The following PTPRN2 variants were observed in gnomAD, a reference collection of about 807,000 sequenced individuals.
PTPRN2 encodes receptor-type tyrosine-protein phosphatase N2.
Under a neutral mutation model 118.8 loss-of-function variants are expected in PTPRN2, and 74 were observed. The ratio of observed to expected loss-of-function variants is 0.62; its 90% CI spans 0.52 to 0.76. PTPRN2 has a LOEUF of 0.76. Among genes scored for constraint, PTPRN2 ranks in the 30% least tolerant of loss-of-function variants. The pLI is 0.00. For synonymous variants in PTPRN2, 641 were observed against 608.0 expected (o/e 1.05, Z -0.80); for missense variants, 1,481 against 1,394.4 (o/e 1.06, Z -0.99).
intron 14 of PTPRN2, among the ~76,000 whole-genome samples, chr7:157,626,106 C>T (rs1803555119): frequency 6.6e-6 from 1 of 152,286 alleles, no homozygotes; most frequent in East Asian, 1.9e-4. Context: ...CCACAGCCCC[C>T]AGCAGCCAGT....
intron 12 of PTPRN2, among the ~76,000 whole-genome samples, chr7:157,896,748 G>T (rs1175226327): frequency 6.6e-6 from 1 of 152,194 alleles, no homozygotes; most frequent in Non-Finnish European, 1.5e-5. Flanking sequence ...GCAACCTGTG[G>T]CAAGGCACAT....
chr7:158,338,035 A>ACGCACGT (rs1169867380), intron 2 of PTPRN2, among the ~76,000 whole-genome samples: 1 of 42,446 alleles, frequency 2.4e-5, no homozygotes, highest in Non-Finnish European at 4.8e-5. Context: ...ACTCACACCC[A>ACGCACGT]CACTCTCACC....
In PTPRN2 at chr7:157,550,814, C is replaced by A. The variant is rs1230091868; in HGVS notation, c.2903-1795G>T. On this transcript the variant is annotated intron_variant, in intron 21 of 22. Transcript: ENST00000389418. This position sits in a 1 kb window ranked among gnomAD's most constrained non-coding sequence, Gnocchi z 5.2. ...GCTGGCAGCTCACGCGGGTGGAAGG[C>A]GGGGTCAGGTGCACGGGTTTGCTTA... Among the ~76,000 whole-genome samples, 1 of 152,190 alleles carries A rather than the reference C, an allele frequency of 6.6e-6. No homozygotes were observed. The highest frequency in any genetic ancestry group is 2.4e-5 in the African/African-American group (1 of 41,440).
chr7:158,342,009 C>G (rs1282168717), intron 2 of PTPRN2, among the ~76,000 whole-genome samples: 5 of 148,110 alleles, frequency 3.4e-5, no homozygotes, highest in African/African-American at 5.0e-5. Context: ...CACCTGCAGA[C>G]GTCACTCACA....
At chr7:157,919,466 A>C (rs1798584756) in intron 11 of PTPRN2, among the ~76,000 whole-genome samples, 1 of 152,348 alleles carries the variant, frequency 6.6e-6, no homozygotes, top group Non-Finnish European at 1.5e-5. Context: ...AGAGAAGGAC[A>C]GTAAACAAAG....
At chr7:157,995,201 T>C (rs1248499690) in intron 11 of PTPRN2, among the ~76,000 whole-genome samples, 1 of 149,728 alleles carries the variant, frequency 6.7e-6, no homozygotes, top group Non-Finnish European at 1.5e-5. Flanking sequence ...TGTTCTAAAA[T>C]CAACGCTGTG....
intron 2 of PTPRN2, among the ~76,000 whole-genome samples, chr7:158,362,391 C>CAGAG (rs10645533): frequency 0.57 from 54,402 of 94,738 alleles, 10,410 homozygotes; most frequent in Non-Finnish European, 0.6. Flanking sequence ...CTCATTTACT[C>CAGAG]ACAGAGAAGA....
At chr7:158,533,964 C>CT (rs1312185011) in intron 1 of PTPRN2, among the ~76,000 whole-genome samples, 1 of 152,238 alleles carries the variant, frequency 6.6e-6, no homozygotes, top group Non-Finnish European at 1.5e-5. Context: ...GATGCAGGGG[C>CT]TACCCTCCCT....
At chr7:158,306,855 GTTTTT>G (rs61276074) in intron 3 of PTPRN2, among the ~76,000 whole-genome samples, 1 of 121,420 alleles carries the variant, frequency 8.2e-6, no homozygotes, top group Non-Finnish European at 1.8e-5. Flanking sequence ...GCTGTTTTTT[GTTTTT>G]TTTTTTTTTT....
intron 9 of PTPRN2, among the ~76,000 whole-genome samples, chr7:158,115,418 G>A (rs1816653322): frequency 6.6e-6 from 1 of 152,098 alleles, no homozygotes; most frequent in African/African-American, 2.4e-5. Flanking sequence ...AGGGTTGAAG[G>A]GACAGCAGAG....
chr7:157,853,693 C>T (rs554443905), intron 12 of PTPRN2, among the ~76,000 whole-genome samples: 7 of 152,250 alleles, frequency 4.6e-5, no homozygotes, highest in African/African-American at 1.4e-4. Flanking sequence ...GCCACACGTG[C>T]GGAGATGCTC....
chr7:157,548,836 T>A, intron 22 of PTPRN2, 110 bp downstream of exon 22: 4 of 1,104,954 alleles, frequency 3.6e-6, no homozygotes, highest in Non-Finnish European at 5.5e-6. Context: ...AGCAGAGCAA[T>A]CGGTGTGCGG....
At chr7:158,421,395 C>T (rs1370660234) in intron 2 of PTPRN2, among the ~76,000 whole-genome samples, 2 of 152,134 alleles carry the variant, frequency 1.3e-5, no homozygotes, top group African/African-American at 2.4e-5. Context: ...GAACACTGAG[C>T]GGAGGGCAAC....
rs548776974 is a variant in PTPRN2 at position 158,221,945 on chromosome 7, C to T, written c.278-16672G>A. On this transcript the variant is annotated intron_variant, in intron 3 of 22. Transcript: ENST00000389418. Reference sequence around the variant, plus strand: ...TGAACAGACACTTCTTAAAAGAAGACATAGAAGCGGCCAAGAAACGTAGGA... The same window carrying T: ...TGAACAGACACTTCTTAAAAGAAGATATAGAAGCGGCCAAGAAACGTAGGA... Among the ~76,000 whole-genome samples the T allele has an allele frequency of 1.2e-3, 181 of 152,238 alleles. 1 individual carries two copies. The highest frequency in any genetic ancestry group is 4.3e-3 in the African/African-American group (180 of 41,540).
intron 11 of PTPRN2, among the ~76,000 whole-genome samples, chr7:158,045,195 G>A (rs1424409396): frequency 6.6e-6 from 1 of 152,176 alleles, no homozygotes; most frequent in African/African-American, 2.4e-5. Context: ...TGGTGGCTTT[G>A]GGACAGCAGT....
chr7:158,141,994 G>A (rs777875028), intron 6 of PTPRN2, among the ~76,000 whole-genome samples: 6 of 152,206 alleles, frequency 3.9e-5, no homozygotes, highest in South Asian at 2.1e-4. Flanking sequence ...CGCTCTGGCC[G>A]ACGTTGAGGC....
chr7:157,890,897 A>C (rs745560655), intron 12 of PTPRN2, among the ~76,000 whole-genome samples: 4 of 152,154 alleles, frequency 2.6e-5, no homozygotes, highest in Non-Finnish European at 5.9e-5. Flanking sequence ...TCCACCTGAA[A>C]CATTTAATGT....
intron 11 of PTPRN2, among the ~76,000 whole-genome samples, chr7:158,054,955 C>T (rs1456940234): frequency 6.6e-6 from 1 of 152,260 alleles, no homozygotes; most frequent in African/African-American, 2.4e-5. Flanking sequence ...CCTTCGTGCT[C>T]TGCCCAGCCG....
At chr7:158,561,806 TA>T (rs1215899161) in intron 1 of PTPRN2, among the ~76,000 whole-genome samples, 3 of 152,138 alleles carry the variant, frequency 2.0e-5, no homozygotes, top group Non-Finnish European at 2.9e-5. Flanking sequence ...AAACTCTCAC[TA>T]GGGGGGACCG....
Sources: allele counts gnomAD v4.1 joint callset (sites outside exome capture counted in the v4.1 genomes callset), GRCh38; gene constraint gnomAD v4.1.1; non-coding constraint Gnocchi (gnomAD v3.1); transcripts MANE v1.5; gene names NCBI Gene and HGNC (gene_info 2026-07-23, HGNC 2026-07-21).